Variants in CDYL observed in about 807,000 individuals in gnomAD.
CDYL encodes the protein chromodomain Y-like protein.
In CDYL, 8 loss-of-function variants were observed where a neutral mutation model predicts 47.3. The observed-to-expected ratio is 0.17, with a 90% CI of 0.10 to 0.31. CDYL has a LOEUF of 0.31. Ranked by LOEUF, CDYL falls within the 10% of genes least tolerant of loss-of-function variation. The pLI, the probability that CDYL is intolerant of heterozygous loss-of-function variation, is 1.00. For synonymous variants in CDYL, 266 were observed against 265.0 expected, an observed-to-expected ratio of 1.00 and a Z score of -0.04; for missense variants, 471 against 701.4, an observed-to-expected ratio of 0.67 and a Z score of 3.71.
upstream of CDYL, among the ~76,000 whole-genome samples, chr6:4,771,795 A>C (rs974004641): frequency 2.0e-5 from 3 of 152,228 alleles, no homozygotes; most frequent in Admixed American, 2.0e-4. Flanking sequence ...GCAATTAATC[A>C]TCACAATAAT....
intron 2 of CDYL, among the ~76,000 whole-genome samples, chr6:4,934,072 C>T (rs1202227390): frequency 6.6e-6 from 1 of 152,134 alleles, no homozygotes; most frequent in African/African-American, 2.4e-5. Flanking sequence ...GTATAAGATA[C>T]AGCATCTTAT....
chr6:4,730,756 A>G (rs576195882), intron 2 of CDYL, among the ~76,000 whole-genome samples: 20 of 151,640 alleles, frequency 1.3e-4, no homozygotes, highest in African/African-American at 3.9e-4. Flanking sequence ...TGTGATTCCA[A>G]TAGTATTCTC....
chr6:4,904,518 G>A (rs767156818), intron 2 of CDYL, among the ~76,000 whole-genome samples: 3 of 152,166 alleles, frequency 2.0e-5, no homozygotes, highest in East Asian at 1.9e-4. Context: ...CATTCACTGC[G>A]CCCCTCCCTG....
At chr6:4,794,247 G>A (rs1759008519) in intron 1 of CDYL, among the ~76,000 whole-genome samples, 1 of 152,106 alleles carries the variant, frequency 6.6e-6, no homozygotes, top group South Asian at 2.1e-4. Context: ...GCCAGAGGAG[G>A]AGGAGAACCG....
At chr6:4,911,846 C>A (rs1439871349) in intron 2 of CDYL, among the ~76,000 whole-genome samples, 1 of 152,168 alleles carries the variant, frequency 6.6e-6, no homozygotes, top group Non-Finnish European at 1.5e-5. Flanking sequence ...TCATTTAACT[C>A]AGCGAAGGAA....
At chr6:4,782,217 T>C (rs1042045100) in intron 1 of CDYL, among the ~76,000 whole-genome samples, 14 of 152,186 alleles carry the variant, frequency 9.2e-5, no homozygotes, top group African/African-American at 3.1e-4. Context: ...AAGGGCGTTG[T>C]AATTTCTGTT....
rs1561697470 is a variant in CDYL at position 4,900,787 on chromosome 6, A to ATGTG, written c.691+8409_691+8410insGTGT. The stretch of plus-strand genomic sequence containing the variant: ...TAATTCCGTATACGTGTGTATATAT[A>ATGTG]TATATATATATATATATATATATAT... On this transcript the variant is annotated intron_variant, in intron 2 of 6. Transcript: ENST00000397588. Among the ~76,000 whole-genome samples, 64 of 47,076 alleles carry ATGTG rather than the reference A, an allele frequency of 1.4e-3. 7 individuals are homozygous for ATGTG. The highest frequency in any genetic ancestry group is 2.2e-3 in the Non-Finnish European group (59 of 26,826). The allele number at this position is 47,076 out of a possible 152,430, so 30.9% of individuals were successfully genotyped here.
intron 1 of CDYL, among the ~76,000 whole-genome samples, chr6:4,825,960 TG>T: frequency 6.6e-6 from 1 of 152,000 alleles, no homozygotes; most frequent in South Asian, 2.1e-4. Flanking sequence ...GTGGAAGTGA[TG>T]GGGGTAATGC....
intron 3 of CDYL, among the ~76,000 whole-genome samples, chr6:4,740,342 C>T (rs1423285522): frequency 2.0e-5 from 3 of 152,096 alleles, no homozygotes; most frequent in Admixed American, 1.3e-4. Context: ...TGCCAGGGGA[C>T]ACTTGGCAAT....
intron 1 of CDYL, among the ~76,000 whole-genome samples, chr6:4,874,845 G>T (rs1320563257): frequency 1.3e-5 from 2 of 152,132 alleles, no homozygotes; most frequent in Non-Finnish European, 2.9e-5. Context: ...GTTTTCATTT[G>T]CTGAGCATGG....
chr6:4,782,130 G>C (rs1758634755), intron 1 of CDYL, among the ~76,000 whole-genome samples: 2 of 151,794 alleles, frequency 1.3e-5, no homozygotes, highest in African/African-American at 2.4e-5. Context: ...GGTTCTTTCT[G>C]CAGGCTCCTT....
In CDYL at chr6:4,943,557, A is replaced by G; in HGVS notation, c.1133A>G (p.Asn378Ser). ...KMAEAIRNFV[N>S]TFIQFKKPII... is the part of the protein sequence containing the mutation. ...ATTTTTCATTTTAGAAACTTCGTGA[A>G]TACTTTCATTCAATTTAAGAAGCCC... Residue 378 changes from asparagine (N) to serine (S), a missense_variant, in exon 5 of 7, where the codon AAT becomes AGT. Transcript: ENST00000397588. 2 of 1,600,524 alleles carry G rather than the reference A, an allele frequency of 1.2e-6. No individual in the cohort carries two copies. Among genetic ancestry groups the G allele is most frequent in the South Asian group, 2.2e-5 (2 of 89,702 alleles).
chr6:4,750,567 T>G (rs551943844), intron 3 of CDYL, among the ~76,000 whole-genome samples: 1 of 152,324 alleles, frequency 6.6e-6, no homozygotes, highest in Non-Finnish European at 1.5e-5. Flanking sequence ...CTCAGGAGGC[T>G]GGGGCCAGAG....
chr6:4,952,313 G>A lies in CDYL; in HGVS notation c.1380G>A (p.Ala460=), dbSNP rs549561311. 99 of 1,614,180 alleles carry A rather than the reference G, an allele frequency of 6.1e-5. No homozygotes were observed. The highest frequency in any genetic ancestry group is 7.5e-5 in the Non-Finnish European group (89 of 1,180,026). Residue 460 remains alanine (A), a synonymous_variant, in exon 6 of 7, where the codon GCG becomes GCA. Coordinates refer to ENST00000397588, the MANE Select transcript of CDYL (RefSeq NM_004824.4). Reference sequence around the variant, plus strand: ...GACGGAAGCTGACAGCGCAGGAGGCGTGTGGCAAGGGCCTGGTCTCCCAGG... The same window carrying A: ...GACGGAAGCTGACAGCGCAGGAGGCATGTGGCAAGGGCCTGGTCTCCCAGG... ...LSGRKLTAQE[A]CGKGLVSQVF... is the part of the protein sequence containing the mutation.
chr6:4,862,630 T>G lies in CDYL; in HGVS notation c.25-29083T>G, dbSNP rs372983780. 1.7e-4 allele frequency among the ~76,000 whole-genome samples: 26 copies of G among 152,368 alleles called. 1 individual carries two copies. Among genetic ancestry groups the G allele is most frequent in the African/African-American group, 6.0e-4 (25 of 41,592 alleles). ...TGTGAATGCCCACTATAGCTATTAGTGTGCTAGGTCTACAACATTTTCACA... is the reference window on the plus strand; with the variant it reads ...TGTGAATGCCCACTATAGCTATTAGGGTGCTAGGTCTACAACATTTTCACA... On this transcript the variant is annotated intron_variant, in intron 1 of 6. Transcript: ENST00000397588.
rs199938152 is a variant in CDYL at position 4,821,260 on chromosome 6, C to A, written c.24+44453C>A. On this transcript the variant is annotated intron_variant, in intron 1 of 6. Coordinates refer to ENST00000397588, the MANE Select transcript of CDYL (RefSeq NM_004824.4). ...TGATTATCATGGTCATATGGGAATTCTTTTTTTTTTTTTTTTTTTTTTTTT... is the reference window on the plus strand; with the variant it reads ...TGATTATCATGGTCATATGGGAATTATTTTTTTTTTTTTTTTTTTTTTTTT... 7.5e-4 allele frequency among the ~76,000 whole-genome samples: 45 copies of A among 60,380 alleles called. No homozygotes were observed. The Admixed American group carries it at 8.3e-3, about 11-fold the overall frequency. The allele number at this position is 60,380 out of a possible 152,430, so 39.6% of individuals were successfully genotyped here.
intron 1 of CDYL, among the ~76,000 whole-genome samples, chr6:4,848,307 T>C (rs1418605865): frequency 6.6e-6 from 1 of 152,184 alleles, no homozygotes; most frequent in East Asian, 1.9e-4. Context: ...GCAGATTGAT[T>C]CTTGGTGCTT....
Position 4,864,652 on chromosome 6 carries a change from A to G in CDYL, c.25-27061A>G, listed in dbSNP as rs149327872. 7.9e-5 allele frequency among the ~76,000 whole-genome samples: 12 copies of G among 152,254 alleles called. No individual in the cohort carries two copies. The East Asian group carries it at 2.3e-3, about 29-fold the overall frequency. On this transcript the variant is annotated intron_variant, in intron 1 of 6. Transcript: ENST00000397588. Reference sequence around the variant, plus strand: ...TCATGCTGTGTTGTGACACTGAATAAGTCTCACAAGATCTGATGGGTTTAT... The same window carrying G: ...TCATGCTGTGTTGTGACACTGAATAGGTCTCACAAGATCTGATGGGTTTAT...
At chr6:4,809,638 T>C (rs189131053) in intron 1 of CDYL, among the ~76,000 whole-genome samples, 32 of 144,830 alleles carry the variant, frequency 2.2e-4, no homozygotes, top group African/African-American at 8.0e-4. Flanking sequence ...CTTGGTGATA[T>C]TTTGTATGGT....
Sources: allele counts gnomAD v4.1 joint callset (sites outside exome capture counted in the v4.1 genomes callset), GRCh38; gene constraint gnomAD v4.1.1; transcripts MANE v1.5; gene names NCBI Gene and HGNC (gene_info 2026-07-23, HGNC 2026-07-21).